Variants in FSTL4 observed in about 807,000 individuals in gnomAD.
The protein encoded by FSTL4 is follistatin-related protein 4.
In FSTL4, 28 loss-of-function variants were observed where a neutral mutation model predicts 78.2. The ratio of observed to expected loss-of-function variants is 0.36; its 90% confidence interval spans 0.27 to 0.49. The LOEUF (loss-of-function observed/expected upper bound fraction) is 0.49. FSTL4 is among the 20% of genes least tolerant of loss of function. The pLI is 0.98. For synonymous variants in FSTL4, 422 were observed against 440.5 expected, an observed-to-expected ratio of 0.96 and a Z score of 0.53; for missense variants, 922 against 1,084.9, an observed-to-expected ratio of 0.85 and a Z score of 2.11.
chr5:133,512,911 A>G (rs1758766506), intron 3 of FSTL4, among the ~76,000 whole-genome samples: 1 of 151,972 alleles, frequency 6.6e-6, no homozygotes, highest in African/African-American at 2.4e-5. Flanking sequence ...TCCACTTTCC[A>G]GGTTCAAGCG....
chr5:133,232,216 C>T (rs1379719884), intron 8 of FSTL4, among the ~76,000 whole-genome samples: 2 of 152,136 alleles, frequency 1.3e-5, no homozygotes, highest in East Asian at 3.8e-4. Context: ...GCAAGTTATA[C>T]TAATAATTTG....
In FSTL4 at chr5:133,351,616, A is replaced by AT. The variant is rs201011774; in HGVS notation, c.410-34965dup. Among the ~76,000 whole-genome samples, 219 of 150,306 alleles carry AT rather than the reference A, an allele frequency of 1.5e-3. 1 individual carries two copies. The highest frequency in any genetic ancestry group is 4.4e-3 in the African/African-American group (180 of 40,950). On this transcript the variant is annotated intron_variant, in intron 4 of 15. Transcript: ENST00000265342. ...TGCCTAATCTATATTTTTAATTTTT[A>AT]TTTTTTTTTGAGACGGAGTCTTGCT...
intron 4 of FSTL4, among the ~76,000 whole-genome samples, chr5:133,332,675 T>G (rs1180599633): frequency 2.6e-5 from 4 of 152,182 alleles, no homozygotes; most frequent in Admixed American, 1.3e-4. Context: ...GTTAAAATAT[T>G]CATAAAGAAC....
intron 3 of FSTL4, among the ~76,000 whole-genome samples, chr5:133,408,592 G>A (rs1217917125): frequency 7.8e-6 from 1 of 127,824 alleles, no homozygotes; most frequent in Non-Finnish European, 1.7e-5. Context: ...GCGGGGTGGG[G>A]TAGGGGGAGT....
chr5:133,643,504 G>C, the FSTL4 span, among the ~76,000 whole-genome samples: 2 of 152,004 alleles, frequency 1.3e-5, no homozygotes, highest in Non-Finnish European at 2.9e-5. Flanking sequence ...CTGATGTGTG[G>C]TTGGGTGCCT....
chr5:133,331,139 C>T (rs1447764533), intron 4 of FSTL4, among the ~76,000 whole-genome samples: 1 of 152,198 alleles, frequency 6.6e-6, no homozygotes, highest in Non-Finnish European at 1.5e-5. Flanking sequence ...GAAAGCAGCC[C>T]CGCATAGGTC....
intron 3 of FSTL4, among the ~76,000 whole-genome samples, chr5:133,437,491 T>TTG (rs1757059829): frequency 7.0e-6 from 1 of 142,136 alleles, no homozygotes; most frequent in Non-Finnish European, 1.5e-5. Context: ...AGGTGTTTTT[T>TTG]TTTTTTTTTT....
At chr5:133,469,352 G>C (rs1318763710) in intron 3 of FSTL4, among the ~76,000 whole-genome samples, 13 of 152,322 alleles carry the variant, frequency 8.5e-5, no homozygotes, top group Admixed American at 5.9e-4. Flanking sequence ...TCAAGGAGAA[G>C]AGAACAGTCC....
intron 7 of FSTL4, 93 bp from the exon 8 acceptor site, chr5:133,233,630 T>C: frequency 2.0e-6 from 3 of 1,476,848 alleles, no homozygotes. Context: ...ATCCTGCAGC[T>C]GGGAGAGAGT....
chr5:133,830,860 C>T, the FSTL4 span, among the ~76,000 whole-genome samples: 1 of 152,188 alleles, frequency 6.6e-6, no homozygotes, highest in Admixed American at 6.5e-5. Context: ...GGCCTAGGAA[C>T]TCAGAGAGAC....
chr5:133,723,126 G>A, the FSTL4 span, among the ~76,000 whole-genome samples: 1 of 152,184 alleles, frequency 6.6e-6, no homozygotes, highest in Non-Finnish European at 1.5e-5. Context: ...AGGATCTTGT[G>A]AAAATACTGT....
chr5:133,815,109 C>T, the FSTL4 span, among the ~76,000 whole-genome samples: 387 of 152,208 alleles, frequency 2.5e-3, 2 homozygotes, highest in African/African-American at 8.4e-3. Flanking sequence ...GGATAAGACC[C>T]GTGGCCTAAA....
At chr5:133,749,501 C>A in the FSTL4 span, among the ~76,000 whole-genome samples, 2 of 152,224 alleles carry the variant, frequency 1.3e-5, no homozygotes, top group Admixed American at 1.3e-4. Flanking sequence ...CCCCTTTGGG[C>A]AGTGCACAAC....
chr5:133,334,257 G>A (rs978760628), intron 4 of FSTL4, among the ~76,000 whole-genome samples: 1 of 152,190 alleles, frequency 6.6e-6, no homozygotes, highest in Non-Finnish European at 1.5e-5. Flanking sequence ...GTTGGCGAGG[G>A]TCCTGCCACG....
At chr5:133,341,022 G>A (rs573355227) in intron 4 of FSTL4, among the ~76,000 whole-genome samples, 2 of 152,110 alleles carry the variant, frequency 1.3e-5, no homozygotes, top group African/African-American at 4.8e-5. Flanking sequence ...CGGGGTGCCT[G>A]AGGGCGCTCC....
intron 3 of FSTL4, among the ~76,000 whole-genome samples, chr5:133,424,361 G>A (rs1171347046): frequency 6.6e-6 from 1 of 152,206 alleles, no homozygotes; most frequent in Non-Finnish European, 1.5e-5. Context: ...AATTTGGGAA[G>A]TTTACAGAGC....
At chr5:133,299,544 G>C (rs957866116) in intron 6 of FSTL4, among the ~76,000 whole-genome samples, 16 of 152,192 alleles carry the variant, frequency 1.1e-4, no homozygotes, top group African/African-American at 3.6e-4. Context: ...GCCTCTGAAT[G>C]ATGGAGAGCT....
intron 3 of FSTL4, among the ~76,000 whole-genome samples, chr5:133,505,755 A>G (rs1237132110): frequency 6.6e-6 from 1 of 152,260 alleles, no homozygotes; most frequent in East Asian, 1.9e-4. Context: ...TGATAAATTA[A>G]GGTTCCTACT....
intron 6 of FSTL4, among the ~76,000 whole-genome samples, chr5:133,266,078 C>T (rs1251292657): frequency 6.6e-6 from 1 of 152,240 alleles, no homozygotes; most frequent in South Asian, 2.1e-4. Context: ...CATGACTACA[C>T]AGCTGGCAGC....
Sources: allele counts gnomAD v4.1 joint callset (sites outside exome capture counted in the v4.1 genomes callset), GRCh38; gene constraint gnomAD v4.1.1; transcripts MANE v1.5; gene names NCBI Gene and HGNC (gene_info 2026-07-23, HGNC 2026-07-21).